TMEM52B: variants seen among roughly 807,000 people sequenced by gnomAD.
The protein encoded by TMEM52B is transmembrane protein 52B, also known as chromosome 12 open reading frame 59.
Under a neutral mutation model 16.1 loss-of-function variants are expected in TMEM52B, and 11 were observed. The ratio of observed to expected loss-of-function variants is 0.68; its 90% CI spans 0.43 to 1.13. The LOEUF is 1.13. TMEM52B is among the 50% of genes most tolerant of loss of function. TMEM52B has a pLI of 0.00. For missense variants in TMEM52B, 243 were observed against 230.4 expected (o/e 1.05, Z -0.35); for synonymous variants, 101 against 93.8 (o/e 1.08, Z -0.45).
At chr12:10,181,591 G>A (rs927763707) in intron 1 of TMEM52B, among the ~76,000 whole-genome samples, 10 of 151,420 alleles carry the variant, frequency 6.6e-5, no homozygotes, top group African/African-American at 1.7e-4. Flanking sequence ...GCCTCCCAAA[G>A]TGCTGGGATT....
chr12:10,176,200 A>G (rs1023262445), upstream of TMEM52B, among the ~76,000 whole-genome samples: 1 of 152,074 alleles, frequency 6.6e-6, no homozygotes, highest in Non-Finnish European at 1.5e-5. Context: ...ATCATTCCCT[A>G]TATGGAGGCT....
chr12:10,186,526 C>T lies in TMEM52B; in HGVS notation c.244C>T (p.Pro82Ser). The change falls in exon 4 of 5, where the codon CCA becomes TCA. Residue 82 changes from proline (P) to serine (S), a missense_variant. Physicochemically the swap from Pro to Ser is moderately conservative, Grantham distance 74 (BLOSUM62 -1). Transcript: ENST00000543484. ...GCAAAATGGGGAAGATGGGGGCCCA[C>T]CACCCTGTGAAGTGACCGTCATTGC... is the stretch of plus-strand genomic sequence containing the variant. Reference protein sequence around the residue: ...RQQNGEDGGPPPCEVTVIAFD... With the variant: ...RQQNGEDGGPSPCEVTVIAFD... The T allele has an allele frequency of 6.2e-7, 1 of 1,609,986 alleles. No individual in the cohort carries two copies. The highest frequency in any genetic ancestry group is 1.7e-5 in the Admixed American group (1 of 59,888).
Position 10,179,422 on chromosome 12 carries a change from CAG to C in TMEM52B, c.-147_-146del, listed in dbSNP as rs1948796163. The C allele has an allele frequency of 3.9e-6, 3 of 769,990 alleles. No individual in the cohort carries two copies. Among genetic ancestry groups the C allele is most frequent in the East Asian group, 2.5e-5 (1 of 40,232 alleles). The allele number at this position is 769,990 out of a possible 1,614,324, so 47.7% of individuals were successfully genotyped here. ...AACAGCCAGAGCGAGTAGGAGGAGA[CAG>C]AGAGAACGAGAGAGAGAAAAGCTGA... On this transcript the variant is annotated 5_prime_UTR_variant, in exon 1 of 5. Coordinates refer to ENST00000543484, the MANE Select transcript of TMEM52B (RefSeq NM_001384896.1).
At chr12:10,188,809 G>C (rs573705972) in intron 4 of TMEM52B, among the ~76,000 whole-genome samples, 2 of 151,750 alleles carry the variant, frequency 1.3e-5, no homozygotes, top group South Asian at 2.1e-4. Flanking sequence ...ACAAGGTCAG[G>C]AGATCGAGAC....
chr12:10,190,147 C>G lies in TMEM52B; in HGVS notation c.*7C>G, dbSNP rs779720496. On this transcript the variant is annotated 3_prime_UTR_variant, in exon 5 of 5. Coordinates refer to ENST00000543484, the MANE Select transcript of TMEM52B (RefSeq NM_001384896.1). ...AGTTGACTCTTGGAACTGATGAGAG[C>G]TGTCATTTTATAAATAGGAGTGGAG... 16 of 1,613,834 alleles carry G rather than the reference C, an allele frequency of 9.9e-6. No individual in the cohort carries two copies. In the Admixed American group the frequency reaches 2.5e-4, roughly 25 times the overall value.
chr12:10,171,979 A>G, intron 1 of TMEM52B: 2 of 1,574,298 alleles, frequency 1.3e-6, no homozygotes, highest in Non-Finnish European at 1.7e-6. Flanking sequence ...CTTTCCCTGT[A>G]CACATTTTCC....
chr12:10,187,099 G>GTTTTTTTTTTTTTTTTTTTTT (rs71049057), intron 4 of TMEM52B, among the ~76,000 whole-genome samples: 3 of 82,180 alleles, frequency 3.7e-5, no homozygotes, highest in African/African-American at 4.9e-5. Flanking sequence ...TTCCATGACG[G>GTTTTTTTTTTTTTTTTTTTTT]TTTTTTTTTT....
chr12:10,177,807 A>C, upstream of TMEM52B, among the ~76,000 whole-genome samples: 1 of 74,686 alleles, frequency 1.3e-5, no homozygotes, highest in South Asian at 3.3e-4. Context: ...TAATAATAAT[A>C]ATAATAATTT....
At chr12:10,184,098 G>A (rs1039757153) in intron 2 of TMEM52B, among the ~76,000 whole-genome samples, 6 of 152,150 alleles carry the variant, frequency 3.9e-5, no homozygotes, top group Admixed American at 6.5e-5. Context: ...AATCAATCAC[G>A]CCTACATAAT....
intron 2 of TMEM52B, 45 bp from the exon 3 acceptor site, chr12:10,185,285 A>T: frequency 3.0e-6 from 4 of 1,342,118 alleles, no homozygotes; most frequent in African/African-American, 2.9e-5. Context: ...TATAACAGGG[A>T]TTGACTATAT....
rs1003260317 is a variant in TMEM52B, at chr12:10,187,349, C to T, written c.307+760C>T. Among the ~76,000 whole-genome samples the T allele has an allele frequency of 4.9e-4, 74 of 151,822 alleles. 5 individuals are homozygous for T. The highest frequency in any genetic ancestry group is 2.9e-5 in the Non-Finnish European group (2 of 67,974). Reference sequence around the variant, plus strand: ...ACTCCTGACCTTGTGATCCACCTGCCTCCGCCTCACAAAGGGCTGGGATTA... The same window carrying T: ...ACTCCTGACCTTGTGATCCACCTGCTTCCGCCTCACAAAGGGCTGGGATTA... On this transcript the variant is annotated intron_variant, in intron 4 of 4. Transcript: ENST00000543484.
chr12:10,182,480 A>G, intron 1 of TMEM52B, 70 bp from the exon 2 acceptor site: 3 of 1,514,588 alleles, frequency 2.0e-6, no homozygotes, highest in Non-Finnish European at 2.6e-6. Context: ...ACCATGAGAG[A>G]TGATTGGTAA....
At chr12:10,181,970 T>C (rs1948828240) in intron 1 of TMEM52B, among the ~76,000 whole-genome samples, 1 of 132,674 alleles carries the variant, frequency 7.5e-6, no homozygotes, top group African/African-American at 3.0e-5. Context: ...GAGGTTGCAG[T>C]GAGCCAAGAT....
upstream of TMEM52B, among the ~76,000 whole-genome samples, chr12:10,174,277 G>A (rs759693542): frequency 6.6e-6 from 1 of 152,038 alleles, no homozygotes; most frequent in Non-Finnish European, 1.5e-5. Flanking sequence ...TGGCCAGGCT[G>A]GTCTTGAACT....
chr12:10,173,747 A>G (rs1359899047), intron 1 of TMEM52B, among the ~76,000 whole-genome samples: 1 of 149,114 alleles, frequency 6.7e-6, no homozygotes, highest in Non-Finnish European at 1.5e-5. Context: ...CCTGGGCAAC[A>G]GAGCGAGACT....
At chr12:10,176,140 C>T (rs1948764069), upstream of TMEM52B, among the ~76,000 whole-genome samples, 1 of 152,190 alleles carries the variant, frequency 6.6e-6, no homozygotes, top group East Asian at 1.9e-4. Flanking sequence ...CTGTACCTGT[C>T]CAAAGTGTAC....
Position 10,189,917 on chromosome 12 carries a change from C to T in TMEM52B, c.329C>T (p.Pro110Leu). Residue 110 changes from proline to leucine, a missense_variant, in exon 5 of 5, where the codon CCT (proline) becomes CTT (leucine). Coordinates refer to ENST00000543484, the MANE Select transcript of TMEM52B (RefSeq NM_001384896.1). The stretch of plus-strand genomic sequence containing the variant: ...ACAGCTCTGCAGTCGGTGTTTGGCC[C>T]TGCAGCTCGGAGGATCCTGGCTGTG... ...TITSLQSVFGPAARRILAVAH... is the reference protein window; with the variant it reads ...TITSLQSVFGLAARRILAVAH... The T allele has an allele frequency of 6.2e-7, 1 of 1,613,988 alleles. No homozygotes were observed. The highest frequency in any genetic ancestry group is 8.5e-7 in the Non-Finnish European group (1 of 1,180,032).
chr12:10,183,979 G>A (rs1252569450), intron 2 of TMEM52B, among the ~76,000 whole-genome samples: 5 of 152,114 alleles, frequency 3.3e-5, no homozygotes, highest in Non-Finnish European at 1.5e-5. Flanking sequence ...ATTTAGGATG[G>A]GGCTGGTCAT....
chr12:10,178,333 G>A (rs1378809139), upstream of TMEM52B, among the ~76,000 whole-genome samples: 1 of 151,848 alleles, frequency 6.6e-6, no homozygotes, highest in Non-Finnish European at 1.5e-5. Context: ...TGGTTAACAT[G>A]GTGAAACCCC....
Sources: gnomAD v4.1 joint callset for allele counts (sites outside exome capture counted in the v4.1 genomes callset) on GRCh38, gnomAD v4.1.1 for gene constraint, MANE v1.5 for transcripts, NCBI Gene and HGNC (gene_info 2026-07-23, HGNC 2026-07-21) for gene names.